SPG11: variants seen among roughly 807,000 people sequenced by gnomAD.
The protein encoded by SPG11 is spatacsin.
Under a neutral mutation model 274.0 loss-of-function variants are expected in SPG11, and 222 were observed. The ratio of observed to expected loss-of-function variants is 0.81; its 90% CI spans 0.73 to 0.91. SPG11 has a LOEUF of 0.91. SPG11 is among the 40% of genes least tolerant of loss of function. The pLI is 0.00. For missense variants in SPG11, 3,114 were observed against 2,872.7 expected (o/e 1.08, Z -1.92); for synonymous variants, 1,144 against 1,039.7 (o/e 1.10, Z -1.93).
chr15:44,637,749 T>C (rs1022942625), intron 7 of SPG11, among the ~76,000 whole-genome samples: 1 of 152,210 alleles, frequency 6.6e-6, no homozygotes, highest in Non-Finnish European at 1.5e-5. Context: ...GAGCTGAAAA[T>C]TCCTACAGCC....
At chr15:44,573,062 C>T (rs1051641937) in intron 32 of SPG11, among the ~76,000 whole-genome samples, 6 of 145,546 alleles carry the variant, frequency 4.1e-5, no homozygotes, top group Non-Finnish European at 6.0e-5. Flanking sequence ...TCTTGGCTCA[C>T]TGCAACCTCA....
chr15:44,622,174 A>G, intron 13 of SPG11, 46 bp downstream of exon 13: 1 of 1,579,276 alleles, frequency 6.3e-7, no homozygotes. Flanking sequence ...ATGAAATACT[A>G]TCTAACGGTA....
rs1177131998 is a variant in SPG11 at position 44,584,572 on chromosome 15, C to A, written c.5122-14G>T. ...TTCCTGTGTTATCTGTGAAATTTAA[C>A]AAAGCAGATTTTAGCCTTTCTTGGA... is the stretch of plus-strand genomic sequence containing the variant. On this transcript the variant is annotated splice_polypyrimidine_tract_variant and intron_variant, in intron 29 of 39. Transcript: ENST00000261866. 6.2e-7 allele frequency: 1 copy of A among 1,605,386 alleles called. No individual in the cohort carries two copies. The highest frequency in any genetic ancestry group is 2.2e-5 in the East Asian group (1 of 44,894).
chr15:44,640,851 C>T (rs1282666215), intron 7 of SPG11, among the ~76,000 whole-genome samples: 1 of 152,160 alleles, frequency 6.6e-6, no homozygotes, highest in South Asian at 2.1e-4. Context: ...CTGCCTCAGC[C>T]TCCCGAGTAG....
At chr15:44,619,490 C>T (rs1298431140) in intron 15 of SPG11, among the ~76,000 whole-genome samples, 1 of 152,108 alleles carries the variant, frequency 6.6e-6, no homozygotes, top group Non-Finnish European at 1.5e-5. Flanking sequence ...CTCATTATTT[C>T]TTAATTCAGC....
Position 44,573,557 on chromosome 15 carries a change from T to TGATGG in SPG11, c.6194_6195insCCATC (p.Gln2066HisfsTer23). ...CGGGGGGTAGGGCACCTGTTCCCTG[T>TGATGG]GATGAAGTAAGCAGCTCCCGTGTCA... On this transcript the variant is annotated frameshift_variant, in exon 32 of 40. Transcript: ENST00000261866. LOFTEE classifies it high-confidence loss of function. The TGATGG allele has an allele frequency of 6.2e-7, 1 of 1,614,174 alleles. No individual in the cohort carries two copies. Among genetic ancestry groups the TGATGG allele is most frequent in the South Asian group, 1.1e-5 (1 of 91,074 alleles).
intron 15 of SPG11, among the ~76,000 whole-genome samples, chr15:44,618,897 T>C (rs1442487497): frequency 6.6e-6 from 1 of 152,180 alleles, no homozygotes; most frequent in African/African-American, 2.4e-5. Flanking sequence ...GGCTGAATTT[T>C]ATCAAATGCT....
At chr15:44,640,641 A>C (rs2084412274) in intron 7 of SPG11, among the ~76,000 whole-genome samples, 1 of 152,248 alleles carries the variant, frequency 6.6e-6, no homozygotes, top group Admixed American at 6.5e-5. Flanking sequence ...CTATGAACAG[A>C]ATAGAGAGGT....
chr15:44,578,236 G>C (rs1278984781), intron 30 of SPG11, among the ~76,000 whole-genome samples: 2 of 144,736 alleles, frequency 1.4e-5, no homozygotes, highest in Non-Finnish European at 3.0e-5. Context: ...GGGTTTCACT[G>C]TGTTAGCCAG....
chr15:44,576,906 A>G (rs1159315736), intron 30 of SPG11, among the ~76,000 whole-genome samples: 2 of 151,878 alleles, frequency 1.3e-5, no homozygotes, highest in Non-Finnish European at 2.9e-5. Context: ...GGTTCACTGC[A>G]ACCTCTGCCT....
chr15:44,586,289 T>C (rs2082764376), intron 28 of SPG11, among the ~76,000 whole-genome samples: 1 of 152,096 alleles, frequency 6.6e-6, no homozygotes, highest in South Asian at 2.1e-4. Context: ...CCAAAAAAAA[T>C]GGTCCTGCAA....
At chr15:44,613,844 A>G (rs2083524282) in intron 16 of SPG11, among the ~76,000 whole-genome samples, 1 of 152,368 alleles carries the variant, frequency 6.6e-6, no homozygotes, top group Middle Eastern at 3.4e-3. Context: ...TTTTACAACA[A>G]AAACTTTTTA....
At chr15:44,613,945 G>A (rs976133166) in intron 16 of SPG11, among the ~76,000 whole-genome samples, 4 of 152,160 alleles carry the variant, frequency 2.6e-5, no homozygotes, top group Non-Finnish European at 2.9e-5. Flanking sequence ...TTGGGAGGCG[G>A]AGGTGGGGGA....
Position 44,600,620 on chromosome 15 carries a change from T to C in SPG11, c.3533A>G (p.His1178Arg), listed in dbSNP as rs1472618522. The C allele has an allele frequency of 6.2e-7, 1 of 1,614,046 alleles. No individual in the cohort carries two copies. Residue 1178 changes from histidine to arginine, a missense_variant, in exon 21 of 40, where the codon CAT (histidine) becomes CGT (arginine). Coordinates refer to ENST00000261866, the MANE Select transcript of SPG11 (RefSeq NM_025137.4). ...GTCAGGGCTAGAGAAATGTGGGAGATGACTCCATGCATCTAGGGGGAAAGT... is the reference window on the plus strand; with the variant it reads ...GTCAGGGCTAGAGAAATGTGGGAGACGACTCCATGCATCTAGGGGGAAAGT... ...NTLAIGDAWSHLPHFSSPDLV... is the reference protein window; with the variant it reads ...NTLAIGDAWSRLPHFSSPDLV...
chr15:44,631,359 C>T (rs1427754418), intron 8 of SPG11, among the ~76,000 whole-genome samples: 2 of 152,016 alleles, frequency 1.3e-5, no homozygotes, highest in Non-Finnish European at 1.5e-5. Context: ...GGGGAAAAAA[C>T]ACAGATTATA....
intron 27 of SPG11, chr15:44,591,045 GA>G (rs1297376104): frequency 6.6e-6 from 1 of 152,204 alleles, no homozygotes; most frequent in Non-Finnish European, 1.5e-5. Flanking sequence ...TATTTGGAAT[GA>G]ATTTCCTTCT....
chr15:44,648,995 C>T lies in SPG11; in HGVS notation c.1473G>A (p.Leu491=), dbSNP rs1595923506. 6.2e-7 allele frequency: 1 copy of T among 1,613,234 alleles called. No homozygotes were observed. The highest frequency in any genetic ancestry group is 2.2e-5 in the East Asian group (1 of 44,858). ...CTTCTTGAGTCAAACCAAACAAAAT[C>T]AGAGAGAGTCCATTCTCTATAGGAA... The part of the protein sequence containing the change: ...CFVLTENGLS[L]ILFGLTQEEF... The change falls in exon 7 of 40, where the codon CTG becomes CTA. Residue 491 remains leucine (L), a synonymous_variant. Transcript: ENST00000261866.
At chr15:44,626,076 C>T (rs1239540055) in intron 11 of SPG11, among the ~76,000 whole-genome samples, 1 of 151,992 alleles carries the variant, frequency 6.6e-6, no homozygotes, top group East Asian at 1.9e-4. Context: ...CAGGGTCTTG[C>T]TATGTTGCCC....
chr15:44,583,842 G>A lies in SPG11; in HGVS notation c.5838C>T (p.Pro1946=), dbSNP rs755068950. 15 of 1,613,964 alleles carry A rather than the reference G, an allele frequency of 9.3e-6. No homozygotes were observed. The East Asian group carries it at 1.1e-4, about 12-fold the overall frequency. ...QSAELLEEEA[P]DIPLRRVHST... Reference sequence around the variant, plus strand: ...TGTGGACTCTCCTTAGGGGAATGTCGGGTGCTTCTTCCTCAAGCAGCTCAG... The same window carrying A: ...TGTGGACTCTCCTTAGGGGAATGTCAGGTGCTTCTTCCTCAAGCAGCTCAG... Residue 1946 remains proline (P), a synonymous_variant, in exon 30 of 40, where the codon CCC becomes CCT. Coordinates refer to ENST00000261866, the MANE Select transcript of SPG11 (RefSeq NM_025137.4).
Sources: allele counts gnomAD v4.1 joint callset (sites outside exome capture counted in the v4.1 genomes callset), GRCh38; gene constraint gnomAD v4.1.1; transcripts MANE v1.5; gene names NCBI Gene and HGNC (gene_info 2026-07-23, HGNC 2026-07-21).